The following ZBTB20 variants were observed in gnomAD, a reference collection of about 807,000 sequenced individuals.
ZBTB20 encodes zinc finger and BTB domain containing 20, also known as zinc finger and BTB domain-containing protein 20.
Under a neutral mutation model 56.9 loss-of-function variants are expected in ZBTB20, and 9 were observed. The ratio of observed to expected loss-of-function variants is 0.16; its 90% CI spans 0.10 to 0.28. The LOEUF (loss-of-function observed/expected upper bound fraction) is 0.28, where lower values mean the gene tolerates loss of function less well. Among genes scored for constraint, ZBTB20 ranks in the 10% least tolerant of loss-of-function variants. ZBTB20 has a pLI of 1.00. For synonymous variants in ZBTB20, 417 were observed against 420.7 expected, an observed-to-expected ratio of 0.99 and a Z score of 0.11; for missense variants, 655 against 1,003.0, an observed-to-expected ratio of 0.65 and a Z score of 4.69.
intron 2 of ZBTB20, among the ~76,000 whole-genome samples, chr3:115,054,122 T>C (rs1419270850): frequency 2.6e-5 from 4 of 152,110 alleles, no homozygotes; most frequent in African/African-American, 7.2e-5. Flanking sequence ...GCTTTTCACA[T>C]ACCCAAGACA....
At chr3:114,549,356 C>T (rs2050274683) in intron 6 of ZBTB20, among the ~76,000 whole-genome samples, 1 of 152,092 alleles carries the variant, frequency 6.6e-6, no homozygotes, top group East Asian at 1.9e-4. Context: ...TATAACACTT[C>T]TTCTATCAGC....
chr3:114,491,574 T>C (rs1304303681), intron 7 of ZBTB20, among the ~76,000 whole-genome samples: 2 of 152,164 alleles, frequency 1.3e-5, no homozygotes, highest in East Asian at 3.8e-4. Flanking sequence ...GATGTGTCCC[T>C]CCTTCCATCT....
In ZBTB20 at chr3:114,315,056, GACA is replaced by G. The variant is rs925098860; in HGVS notation, c.*23946_*23948del. 1 of 151,894 alleles carries G rather than the reference GACA, an allele frequency of 6.6e-6. No homozygotes were observed. Among genetic ancestry groups the G allele is most frequent in the Non-Finnish European group, 1.5e-5 (1 of 67,990 alleles). The allele number at this position is 151,894 out of a possible 1,614,324, so 9.4% of individuals were successfully genotyped here. ...TTTTCTGTTTGTTTGTTTGATAACT[GACA>G]ACAATTTAAGAGTATAATGAGAAAA... On this transcript the variant is annotated 3_prime_UTR_variant, in exon 12 of 12. Transcript: ENST00000675478.
Position 115,079,447 on chromosome 3 carries a change from G to C in ZBTB20, c.-702-8033C>G, listed in dbSNP as rs539972022. ...TCTGTCACCCAGGCTGGAGTGCAGT[G>C]GTGCAATCTCAGCTCACTGCATCCT... is the stretch of plus-strand genomic sequence containing the variant. On this transcript the variant is annotated intron_variant, in intron 1 of 11. Coordinates refer to ENST00000675478, the MANE Select transcript of ZBTB20 (RefSeq NM_001348800.3). Among the ~76,000 whole-genome samples, 8 of 152,170 alleles carry C rather than the reference G, an allele frequency of 5.3e-5. 1 individual carries two copies. The South Asian group carries it at 1.7e-3, about 32-fold the overall frequency.
At chr3:114,851,552 C>A (rs78248946) in intron 4 of ZBTB20, among the ~76,000 whole-genome samples, 3,640 of 152,012 alleles carry the variant, frequency 0.024, 53 homozygotes, top group South Asian at 0.051. Flanking sequence ...TGTGGGATTT[C>A]TCATTTAGTA....
At chr3:114,619,419 A>C (rs2058162284) in intron 6 of ZBTB20, among the ~76,000 whole-genome samples, 1 of 152,166 alleles carries the variant, frequency 6.6e-6, no homozygotes, top group Admixed American at 6.5e-5. Flanking sequence ...AATGAGATAT[A>C]GTTTGGGGAT....
chr3:115,038,996 C>A (rs2081040148), intron 2 of ZBTB20, among the ~76,000 whole-genome samples: 1 of 151,978 alleles, frequency 6.6e-6, no homozygotes, highest in South Asian at 2.1e-4. Context: ...TAGATAATAT[C>A]TCAATGACCT....
intron 5 of ZBTB20, among the ~76,000 whole-genome samples, chr3:114,792,513 T>C (rs2071033799): frequency 6.6e-6 from 1 of 152,194 alleles, no homozygotes; most frequent in African/African-American, 2.4e-5. Flanking sequence ...TAGCATTGCT[T>C]CTAATTACCG....
intron 6 of ZBTB20, among the ~76,000 whole-genome samples, chr3:114,547,949 T>C (rs866753803): frequency 3.3e-5 from 5 of 152,248 alleles, no homozygotes; most frequent in African/African-American, 2.4e-5. Flanking sequence ...GTGCTAGATA[T>C]GCCACCTTGA....
intron 7 of ZBTB20, among the ~76,000 whole-genome samples, chr3:114,410,373 T>C (rs2087812513): frequency 6.6e-6 from 1 of 152,108 alleles, no homozygotes; most frequent in Admixed American, 6.6e-5. Context: ...GGAAGAAAGA[T>C]TTAATGAGGG....
chr3:114,464,350 C>G (rs2092454309), intron 7 of ZBTB20, among the ~76,000 whole-genome samples: 1 of 152,134 alleles, frequency 6.6e-6, no homozygotes, highest in Non-Finnish European at 1.5e-5. Context: ...AAAACATGAT[C>G]TCTTTTAAAA....
At chr3:114,981,399 C>T (rs1405619248) in intron 2 of ZBTB20, among the ~76,000 whole-genome samples, 2 of 152,044 alleles carry the variant, frequency 1.3e-5, no homozygotes, top group African/African-American at 4.8e-5. Flanking sequence ...CCTTTAAGGA[C>T]AATTGCATTA....
rs116238398 is a variant in ZBTB20 at position 114,618,352 on chromosome 3, G to A, written c.-295+75176C>T. Reference sequence around the variant, plus strand: ...GCAAGCTCAAACTCCTGGGCTCAAGGGATAAGGGATCCTCCCATCTCAGCC... The same window carrying A: ...GCAAGCTCAAACTCCTGGGCTCAAGAGATAAGGGATCCTCCCATCTCAGCC... On this transcript the variant is annotated intron_variant, in intron 6 of 11. Transcript: ENST00000675478. 1.5e-3 allele frequency among the ~76,000 whole-genome samples: 229 copies of A among 151,046 alleles called. 1 individual carries two copies. The highest frequency in any genetic ancestry group is 5.3e-3 in the African/African-American group (219 of 41,130).
At chr3:114,801,762 G>A (rs557625082) in intron 4 of ZBTB20, among the ~76,000 whole-genome samples, 30 of 151,616 alleles carry the variant, frequency 2.0e-4, no homozygotes, top group Non-Finnish European at 2.9e-4. Context: ...TGGGTTTAGC[G>A]TGCCCCATTT....
intron 2 of ZBTB20, among the ~76,000 whole-genome samples, chr3:115,041,210 C>G (rs78145513): frequency 0.01 from 1,591 of 152,136 alleles, 17 homozygotes; most frequent in African/African-American, 0.031. Context: ...TGTAAAACAC[C>G]TAAACTTCAT....
intron 7 of ZBTB20, among the ~76,000 whole-genome samples, chr3:114,476,683 G>T (rs1018367801): frequency 7.9e-5 from 12 of 152,294 alleles, no homozygotes; most frequent in African/African-American, 2.9e-4. Context: ...ATTCATTCAT[G>T]AAGGCAGAGC....
At chr3:115,094,499 A>C (rs2083307844) in intron 1 of ZBTB20, among the ~76,000 whole-genome samples, 2 of 151,758 alleles carry the variant, frequency 1.3e-5, no homozygotes. Context: ...CAACTAGAAA[A>C]ATTACATAGC....
chr3:114,530,060 T>C (rs759013485), intron 6 of ZBTB20, among the ~76,000 whole-genome samples: 2 of 152,254 alleles, frequency 1.3e-5, no homozygotes, highest in South Asian at 2.1e-4. Flanking sequence ...AGTGATGTCA[T>C]AGTGATCATA....
chr3:114,547,704 A>C lies in ZBTB20; in HGVS notation c.-294-47313T>G, dbSNP rs562010823. Among the ~76,000 whole-genome samples, 5 of 152,266 alleles carry C rather than the reference A, an allele frequency of 3.3e-5. No homozygotes were observed. In the South Asian group the frequency reaches 1.0e-3, roughly 32 times the overall value. On this transcript the variant is annotated intron_variant, in intron 6 of 11. Coordinates refer to ENST00000675478, the MANE Select transcript of ZBTB20 (RefSeq NM_001348800.3). ...CCCTAATGTTACATAACAGCTTACA[A>C]TTTTCTTTCAATTGAAATCTTTATT...
Sources: allele counts gnomAD v4.1 joint callset (sites outside exome capture counted in the v4.1 genomes callset), GRCh38; gene constraint gnomAD v4.1.1; transcripts MANE v1.5; gene names NCBI Gene and HGNC (gene_info 2026-07-23, HGNC 2026-07-21).